The following RHD variants were observed in gnomAD, a reference collection of about 807,000 sequenced individuals.
RHD encodes the protein blood group Rh(D) polypeptide.
Under a neutral mutation model 45.5 loss-of-function variants are expected in RHD, and 16 were observed. That is an observed-to-expected ratio of 0.35 (90% CI 0.24 to 0.53). RHD has a LOEUF of 0.53. Among genes scored for constraint, RHD ranks in the 20% least tolerant of loss-of-function variants. The pLI is 0.92. For synonymous variants in RHD, 131 were observed against 217.5 expected (o/e 0.60, Z 3.50); for missense variants, 306 against 532.0 (o/e 0.58, Z 4.18).
intron 1 of RHD, among the ~76,000 whole-genome samples, chr1:25,274,469 A>T (rs1323296501): frequency 1.5e-5 from 2 of 132,418 alleles, no homozygotes. Context: ...TAACGTAGGT[A>T]CAAAATGTCC....
chr1:25,315,532 T>C (rs1353243028), intron 7 of RHD, among the ~76,000 whole-genome samples: 2 of 122,020 alleles, frequency 1.6e-5, no homozygotes, highest in East Asian at 4.0e-4. Context: ...AGTCTCGCTG[T>C]GTTGCCCAGG....
rs1307693791 is a variant in RHD, at chr1:25,330,436, T to C, written c.*1512T>C. ...ACTTGAAAAATAAAAATGAACAAGCTAACAAACTACCAAGTTTTCACTTAC... is the reference window on the plus strand; with the variant it reads ...ACTTGAAAAATAAAAATGAACAAGCCAACAAACTACCAAGTTTTCACTTAC... On this transcript the variant is annotated 3_prime_UTR_variant, in exon 10 of 10. Coordinates refer to ENST00000328664, the MANE Select transcript of RHD (RefSeq NM_016124.6). The C allele has an allele frequency of 2.2e-5, 3 of 133,492 alleles. No individual in the cohort carries two copies. Among genetic ancestry groups the C allele is most frequent in the Admixed American group, 2.2e-4 (3 of 13,800 alleles). 8.3% of individuals were successfully genotyped at this position (133,492 alleles called of 1,614,324 possible). A position where few individuals can be genotyped will look rare whatever the true frequency, so the allele number is the denominator to read the frequency against.
At position 25,289,029 on chromosome 1, in the gene RHD, G is replaced by A. The variant is rs550098965; in HGVS notation, c.336-1612G>A. Among the ~76,000 whole-genome samples, 4 of 133,930 alleles carry A rather than the reference G, an allele frequency of 3.0e-5. No homozygotes were observed. In the East Asian group the frequency reaches 5.9e-4, roughly 20 times the overall value. The allele number at this position is 133,930 out of a possible 152,430, so 87.9% of individuals were successfully genotyped here. On this transcript the variant is annotated intron_variant, in intron 2 of 9. Coordinates refer to ENST00000328664, the MANE Select transcript of RHD (RefSeq NM_016124.6). The stretch of plus-strand genomic sequence containing the variant: ...CTGCAGCAAACACTGGGGAAGCTGA[G>A]TCCAGACTTCAGAGCACAGGCTTTG...
At chr1:25,307,713 C>T (rs566385768) in intron 7 of RHD, 7 of 1,308,218 alleles carry the variant, frequency 5.4e-6, no homozygotes, top group Admixed American at 4.2e-5. Flanking sequence ...TGCGTTTGGA[C>T]GTGTCTCAGA....
chr1:25,292,489 G>T lies in RHD; in HGVS notation c.486+1698G>T, dbSNP rs1290909992. Among the ~76,000 whole-genome samples, 74 of 132,154 alleles carry T rather than the reference G, an allele frequency of 5.6e-4. 12 individuals carry two copies. The highest frequency in any genetic ancestry group is 1.8e-3 in the African/African-American group (68 of 38,796). 86.7% of individuals were successfully genotyped at this position (132,154 alleles called of 152,430 possible). A position where few individuals can be genotyped will look rare whatever the true frequency, so the allele number is the denominator to read the frequency against. Reference sequence around the variant, plus strand: ...GACAGGATTTGCTGATAGACTGCACGTGGGGTGGGAGAGGGTCAAGATGAC... The same window carrying T: ...GACAGGATTTGCTGATAGACTGCACTTGGGGTGGGAGAGGGTCAAGATGAC... On this transcript the variant is annotated intron_variant, in intron 3 of 9. Transcript: ENST00000328664.
chr1:25,290,448 A>G lies in RHD; in HGVS notation c.336-193A>G, dbSNP rs1177241509. On this transcript the variant is annotated intron_variant, in intron 2 of 9. Transcript: ENST00000328664. Reference sequence around the variant, plus strand: ...GGCTCAGGGTGCAGAGGCCACCTTAACGGGAGAAGAGATGGTCACTCCACT... The same window carrying G: ...GGCTCAGGGTGCAGAGGCCACCTTAGCGGGAGAAGAGATGGTCACTCCACT... Among the ~76,000 whole-genome samples the G allele has an allele frequency of 3.1e-5, 4 of 127,900 alleles. 2 individuals are homozygous for G. The highest frequency in any genetic ancestry group is 7.4e-5 in the Non-Finnish European group (4 of 54,168). The allele number at this position is 127,900 out of a possible 152,430, so 83.9% of individuals were successfully genotyped here.
At chr1:25,275,063 G>T (rs1299034904) in intron 1 of RHD, among the ~76,000 whole-genome samples, 1 of 131,922 alleles carries the variant, frequency 7.6e-6, no homozygotes, top group African/African-American at 2.6e-5. Flanking sequence ...ACCAAGGCAG[G>T]CAGATCACCT....
chr1:25,313,876 C>T (rs577045002), intron 7 of RHD, among the ~76,000 whole-genome samples: 1 of 132,628 alleles, frequency 7.5e-6, no homozygotes, highest in East Asian at 1.9e-4. Flanking sequence ...ATTAGTGTGG[C>T]CCTGTCATAA....
At position 25,314,707 on chromosome 1, in the gene RHD, T is replaced by C. The variant is rs1225273417; in HGVS notation, c.1074-2293T>C. On this transcript the variant is annotated intron_variant, in intron 7 of 9. Transcript: ENST00000328664. ...TTTTGGTAGAGACAGGGTTTTGCCATGTTGGACAGGCTGATCTTGGACTCC... is the reference window on the plus strand; with the variant it reads ...TTTTGGTAGAGACAGGGTTTTGCCACGTTGGACAGGCTGATCTTGGACTCC... 1.1e-4 allele frequency among the ~76,000 whole-genome samples: 15 copies of C among 131,904 alleles called. 3 individuals are homozygous for C. The highest frequency in any genetic ancestry group is 3.9e-4 in the East Asian group (2 of 5,128). The allele number at this position is 131,904 out of a possible 152,430, so 86.5% of individuals were successfully genotyped here. A position where few individuals can be genotyped will look rare whatever the true frequency, so the allele number is the denominator to read the frequency against.
At position 25,290,495 on chromosome 1, in the gene RHD, G is replaced by A; in HGVS notation, c.336-146G>A. The stretch of plus-strand genomic sequence containing the variant: ...CACTCTGCAGCATCAGCGCCCAGGT[G>A]GGTAGAAATCTTGTCTTCTATTCCC... On this transcript the variant is annotated intron_variant, in intron 2 of 9. Transcript: ENST00000328664. The A allele has an allele frequency of 2.7e-6, 2 of 751,954 alleles. 1 individual carries two copies. Among genetic ancestry groups the A allele is most frequent in the Non-Finnish European group, 4.5e-6 (2 of 448,568 alleles). The allele number at this position is 751,954 out of a possible 1,614,324, so 46.6% of individuals were successfully genotyped here. A position where few individuals can be genotyped will look rare whatever the true frequency, so the allele number is the denominator to read the frequency against.
chr1:25,281,284 C>T (rs1641470602), intron 1 of RHD, among the ~76,000 whole-genome samples: 1 of 128,838 alleles, frequency 7.8e-6, no homozygotes, highest in African/African-American at 2.8e-5. Flanking sequence ...ATAAACTTTT[C>T]CTGAAGGTCT....
At position 25,329,530 on chromosome 1, in the gene RHD, A is replaced by G. The variant is rs1211382987; in HGVS notation, c.*606A>G. On this transcript the variant is annotated 3_prime_UTR_variant, in exon 10 of 10. Coordinates refer to ENST00000328664, the MANE Select transcript of RHD (RefSeq NM_016124.6). ...AGTGCTGGAACCACAGGCCTGAGCCACTGTGCCCAGCCTTGTTTGCTTTTT... is the reference window on the plus strand; with the variant it reads ...AGTGCTGGAACCACAGGCCTGAGCCGCTGTGCCCAGCCTTGTTTGCTTTTT... 1 of 189,912 alleles carries G rather than the reference A, an allele frequency of 5.3e-6. No homozygotes were observed. The highest frequency in any genetic ancestry group is 2.5e-5 in the African/African-American group (1 of 39,530). 11.8% of individuals were successfully genotyped at this position (189,912 alleles called of 1,614,324 possible).
At chr1:25,312,947 A>C (rs1294290937) in intron 7 of RHD, among the ~76,000 whole-genome samples, 4 of 110,162 alleles carry the variant, frequency 3.6e-5, no homozygotes, top group Non-Finnish European at 4.3e-5. Flanking sequence ...AAAAAAAAAA[A>C]AAAAAAAACT....
rs558208835 is a variant in RHD at position 25,278,680 on chromosome 1, C to A, written c.149-5893C>A. Among the ~76,000 whole-genome samples, 5 of 131,840 alleles carry A rather than the reference C, an allele frequency of 3.8e-5. 2 individuals carry two copies. The highest frequency in any genetic ancestry group is 9.0e-5 in the Non-Finnish European group (5 of 55,584). The allele number at this position is 131,840 out of a possible 152,430, so 86.5% of individuals were successfully genotyped here. ...TATCCTGGGTCCTGTGCTGTGGATA[C>A]CACTCAGTCCCCCATCCCCACCCCA... On this transcript the variant is annotated intron_variant, in intron 1 of 9. Coordinates refer to ENST00000328664, the MANE Select transcript of RHD (RefSeq NM_016124.6).
At chr1:25,291,531 T>G (rs36012318) in intron 3 of RHD, among the ~76,000 whole-genome samples, 2,494 of 130,418 alleles carry the variant, frequency 0.019, 310 homozygotes, top group African/African-American at 0.06. Flanking sequence ...TCCAAATGAG[T>G]TTACAAAAAT....
intron 3 of RHD, among the ~76,000 whole-genome samples, chr1:25,300,129 G>A (rs1032603588): frequency 2.3e-5 from 3 of 131,202 alleles, no homozygotes; most frequent in East Asian, 3.9e-4. Flanking sequence ...CATCACTCCC[G>A]CAGAGTTAAA....
At chr1:25,280,702 T>C (rs1344308619) in intron 1 of RHD, among the ~76,000 whole-genome samples, 4 of 125,382 alleles carry the variant, frequency 3.2e-5, no homozygotes, top group Non-Finnish European at 7.5e-5. Context: ...GCCTTAACCT[T>C]CTAGGCACAA....
chr1:25,307,442 A>C (rs1423291507), intron 7 of RHD, among the ~76,000 whole-genome samples: 1 of 132,660 alleles, frequency 7.5e-6, no homozygotes, highest in African/African-American at 2.6e-5. Flanking sequence ...GGCACGATAC[A>C]GGGATAGATT....
rs746271917 is a variant in RHD, at chr1:25,301,482, G to C, written c.635-38G>C. Reference sequence around the variant, plus strand: ...CTCGAGGCTCAGACCTTTGGAGCAGGAGTGTGATTCTGGCCAACCACCCTC... The same window carrying C: ...CTCGAGGCTCAGACCTTTGGAGCAGCAGTGTGATTCTGGCCAACCACCCTC... On this transcript the variant is annotated intron_variant, in intron 4 of 9. Coordinates refer to ENST00000328664, the MANE Select transcript of RHD (RefSeq NM_016124.6). 1.6e-5 allele frequency: 22 copies of C among 1,364,274 alleles called. 8 individuals carry two copies. Among genetic ancestry groups the C allele is most frequent in the Non-Finnish European group, 2.1e-5 (20 of 966,722 alleles). The allele number at this position is 1,364,274 out of a possible 1,614,324, so 84.5% of individuals were successfully genotyped here.
Sources: gnomAD v4.1 joint callset for allele counts (sites outside exome capture counted in the v4.1 genomes callset) on GRCh38, gnomAD v4.1.1 for gene constraint, MANE v1.5 for transcripts, NCBI Gene and HGNC (gene_info 2026-07-23, HGNC 2026-07-21) for gene names.